BPTF: variants seen among roughly 807,000 people sequenced by gnomAD.
The protein encoded by BPTF is nucleosome-remodeling factor subunit BPTF.
A neutral mutation model predicts 292.5 loss-of-function variants in BPTF; 18 were observed. That is an observed-to-expected ratio of 0.06 (90% CI 0.04 to 0.09). BPTF has a LOEUF of 0.09. BPTF is among the 10% of genes least tolerant of loss of function. BPTF has a pLI of 1.00. For synonymous variants in BPTF, 1,225 were observed against 1,251.9 expected, an observed-to-expected ratio of 0.98 and a Z score of 0.45; for missense variants, 2,726 against 3,498.7, an observed-to-expected ratio of 0.78 and a Z score of 5.57.
Position 67,911,161 on chromosome 17 carries a change from A to G in BPTF, c.3277A>G (p.Lys1093Glu). The G allele has an allele frequency of 6.2e-7, 1 of 1,613,934 alleles. No homozygotes were observed. The highest frequency in any genetic ancestry group is 8.5e-7 in the Non-Finnish European group (1 of 1,179,988). The part of the protein sequence containing the change: ...KLEGGIKGIG[K>E]TSTNSSKNLS... ...GGAGGGTGGAATTAAGGGTATAGGA[A>G]AGACTTCTACAAATTCTTCAAAAAA... Residue 1093 changes from lysine (K) to glutamate (E), a missense_variant, in exon 11 of 28, where the codon AAG becomes GAG. Coordinates refer to ENST00000306378, the MANE Select transcript of BPTF (RefSeq NM_182641.4).
chr17:67,943,898 C>T (rs1376396370), intron 19 of BPTF, among the ~76,000 whole-genome samples: 1 of 152,110 alleles, frequency 6.6e-6, no homozygotes, highest in Non-Finnish European at 1.5e-5. Flanking sequence ...TCTGGAGGAA[C>T]AGTGTTGCTT....
chr17:67,979,338 A>G (rs2070014744), intron 27 of BPTF, among the ~76,000 whole-genome samples: 1 of 152,034 alleles, frequency 6.6e-6, no homozygotes, highest in Non-Finnish European at 1.5e-5. Context: ...ATCTGAGATC[A>G]GGAGTCGAGA....
chr17:67,862,125 G>A (rs573748150), intron 2 of BPTF, among the ~76,000 whole-genome samples: 213 of 152,164 alleles, frequency 1.4e-3, no homozygotes, highest in African/African-American at 4.8e-3. Flanking sequence ...ACAGGTGCCT[G>A]CCACCACACC....
At chr17:67,867,435 G>GT (rs1265469123) in intron 3 of BPTF, among the ~76,000 whole-genome samples, 2 of 152,184 alleles carry the variant, frequency 1.3e-5, no homozygotes, top group African/African-American at 4.8e-5. Flanking sequence ...GGTTGCCCCT[G>GT]TTATTAAAGT....
intron 1 of BPTF, among the ~76,000 whole-genome samples, chr17:67,834,994 C>CT (rs1295957470): frequency 6.6e-6 from 1 of 152,152 alleles, no homozygotes; most frequent in East Asian, 1.9e-4. Context: ...GGGAAGATCA[C>CT]TTAAGGCAGC....
At chr17:67,925,992 C>CTTTTTTTTTTTTTTTT (rs60083535) in intron 15 of BPTF, among the ~76,000 whole-genome samples, 2 of 56,622 alleles carry the variant, frequency 3.5e-5, no homozygotes, top group Non-Finnish European at 6.4e-5. Context: ...TAACATATTA[C>CTTTTTTTTTTTTTTTT]TTTTTTTTTT....
chr17:67,867,104 T>C (rs1298551091), intron 3 of BPTF, among the ~76,000 whole-genome samples: 1 of 152,262 alleles, frequency 6.6e-6, no homozygotes, highest in Non-Finnish European at 1.5e-5. Flanking sequence ...TGCATGACTG[T>C]GTGTATATTT....
intron 13 of BPTF, among the ~76,000 whole-genome samples, chr17:67,921,500 T>C (rs1184281698): frequency 2.6e-5 from 4 of 152,036 alleles, no homozygotes; most frequent in African/African-American, 7.2e-5. Context: ...CATTCTAGCA[T>C]GGGCAACAGA....
At position 67,906,557 on chromosome 17, in the gene BPTF, GA is replaced by G. The variant is rs1348852332; in HGVS notation, c.2812+1718del. ...ACATAGTGAAGACCACATATGCACA[GA>G]GTGATAGAACGCTGGCAGGTCCCAA... On this transcript the variant is annotated intron_variant, in intron 9 of 27. Coordinates refer to ENST00000306378, the MANE Select transcript of BPTF (RefSeq NM_182641.4). Among the ~76,000 whole-genome samples, 3 of 152,170 alleles carry G rather than the reference GA, an allele frequency of 2.0e-5. No individual in the cohort carries two copies. The East Asian group carries it at 5.8e-4, about 29-fold the overall frequency.
At chr17:67,881,894 T>A (rs1360219445) in intron 4 of BPTF, among the ~76,000 whole-genome samples, 1 of 109,870 alleles carries the variant, frequency 9.1e-6, no homozygotes, top group Non-Finnish European at 1.8e-5. Flanking sequence ...TGAGACAGGG[T>A]CTTGCTCTGT....
chr17:67,862,683 A>G (rs1022815524), intron 2 of BPTF, among the ~76,000 whole-genome samples: 1 of 152,210 alleles, frequency 6.6e-6, no homozygotes, highest in African/African-American at 2.4e-5. Context: ...ACCAAAAAAA[A>G]GTACTATAAA....
At chr17:67,976,181 T>C (rs1459378922) in intron 27 of BPTF, 1 of 334,104 alleles carries the variant, frequency 3.0e-6, no homozygotes, top group African/African-American at 2.1e-5. Context: ...TTTTTGAAAA[T>C]TCAAGAAGTG....
intron 13 of BPTF, among the ~76,000 whole-genome samples, chr17:67,922,388 C>T (rs75482863): frequency 0.016 from 2,423 of 152,280 alleles, 30 homozygotes; most frequent in Middle Eastern, 0.031. Context: ...TCCCCCTTCT[C>T]TGTGCGGTGA....
chr17:67,938,092 G>A (rs140552977), intron 18 of BPTF, among the ~76,000 whole-genome samples: 89 of 152,328 alleles, frequency 5.8e-4, no homozygotes, highest in African/African-American at 1.7e-3. Context: ...GCAATAGAGC[G>A]AGACTTCACA....
chr17:67,865,138 G>T (rs1026160510), intron 2 of BPTF, among the ~76,000 whole-genome samples: 1 of 152,074 alleles, frequency 6.6e-6, no homozygotes, highest in African/African-American at 2.4e-5. Context: ...AATCTGAAAC[G>T]CTCCAATGAG....
At chr17:67,954,328 C>G (rs2066720071) in intron 23 of BPTF, among the ~76,000 whole-genome samples, 1 of 152,156 alleles carries the variant, frequency 6.6e-6, no homozygotes, top group Admixed American at 6.6e-5. Flanking sequence ...CCACCGTACT[C>G]GGCCCTGGTT....
rs2057243885 is a variant in BPTF at position 67,837,705 on chromosome 17, C to T, written c.613+11368C>T. Among the ~76,000 whole-genome samples, 3 of 152,300 alleles carry T rather than the reference C, an allele frequency of 2.0e-5. No individual in the cohort carries two copies. In the South Asian group the frequency reaches 6.2e-4, roughly 32 times the overall value. The stretch of plus-strand genomic sequence containing the variant: ...GATTACAGGCGTGAGCCACCGTGCC[C>T]AGCCTATGTGGTTTTAAATTAACTT... On this transcript the variant is annotated intron_variant, in intron 1 of 27. Coordinates refer to ENST00000306378, the MANE Select transcript of BPTF (RefSeq NM_182641.4).
At chr17:67,930,180 A>G (rs926260215) in intron 17 of BPTF, among the ~76,000 whole-genome samples, 3 of 151,880 alleles carry the variant, frequency 2.0e-5, no homozygotes, top group Non-Finnish European at 2.9e-5. Flanking sequence ...TTATCAGCTG[A>G]TATGTGCACA....
chr17:67,950,454 A>C (rs2066243976), intron 23 of BPTF, among the ~76,000 whole-genome samples: 1 of 152,160 alleles, frequency 6.6e-6, no homozygotes, highest in South Asian at 2.1e-4. Context: ...CAAGCAAAAG[A>C]AACAAAGACA....
Sources: gnomAD v4.1 joint callset for allele counts (sites outside exome capture counted in the v4.1 genomes callset) on GRCh38, gnomAD v4.1.1 for gene constraint, MANE v1.5 for transcripts, NCBI Gene and HGNC (gene_info 2026-07-23, HGNC 2026-07-21) for gene names.